The following SCMH1 variants were observed in gnomAD, a reference collection of about 807,000 sequenced individuals.
SCMH1 encodes the protein polycomb protein SCMH1.
In SCMH1, 37 loss-of-function variants were observed where a neutral mutation model predicts 70.8. The ratio of observed to expected loss-of-function variants is 0.52; its 90% CI spans 0.40 to 0.69. SCMH1 has a LOEUF of 0.69. SCMH1 is among the 30% of genes least tolerant of loss of function. The pLI, the probability that SCMH1 is intolerant of heterozygous loss-of-function variation, is 0.00. For missense variants in SCMH1, 607 were observed against 827.3 expected, an observed-to-expected ratio of 0.73 and a Z score of 3.27; for synonymous variants, 292 against 307.4, an observed-to-expected ratio of 0.95 and a Z score of 0.52.
At chr1:41,152,476 G>A in intron 4 of SCMH1, 1 of 1,038,356 alleles carries the variant, frequency 9.6e-7, no homozygotes, top group Non-Finnish European at 1.4e-6. Flanking sequence ...GTGACACTGT[G>A]CTGGGGGAAG....
intron 6 of SCMH1, among the ~76,000 whole-genome samples, chr1:41,139,142 T>A (rs1321907208): frequency 6.6e-6 from 1 of 152,126 alleles, no homozygotes; most frequent in Non-Finnish European, 1.5e-5. Flanking sequence ...AGGACTGCCA[T>A]CTCCAGTCCA....
intron 2 of SCMH1, among the ~76,000 whole-genome samples, chr1:41,169,101 T>C (rs903927674): frequency 6.6e-6 from 1 of 152,198 alleles, no homozygotes; most frequent in South Asian, 2.1e-4. Context: ...GTGGTCCTAC[T>C]GTACGTCCAC....
At chr1:41,170,301 T>C (rs185433671) in intron 2 of SCMH1, among the ~76,000 whole-genome samples, 2 of 152,302 alleles carry the variant, frequency 1.3e-5, no homozygotes, top group Admixed American at 6.5e-5. Context: ...TGGGGAGAAG[T>C]TGGATGCTGG....
chr1:41,167,331 T>C (rs1307845631), intron 2 of SCMH1, among the ~76,000 whole-genome samples: 1 of 152,134 alleles, frequency 6.6e-6, no homozygotes, highest in Non-Finnish European at 1.5e-5. Flanking sequence ...GTAGTCTTCT[T>C]CTCTTGTTGT....
chr1:41,155,897 A>G (rs1331066398), intron 4 of SCMH1, among the ~76,000 whole-genome samples: 1 of 150,814 alleles, frequency 6.6e-6, no homozygotes, highest in Non-Finnish European at 1.5e-5. Flanking sequence ...AGGCAGGAGA[A>G]CTGCTTGAAC....
chr1:41,147,873 G>A (rs1450453890), intron 5 of SCMH1, among the ~76,000 whole-genome samples: 2 of 152,020 alleles, frequency 1.3e-5, no homozygotes, highest in East Asian at 3.8e-4. Context: ...CCTATTTAAA[G>A]CATAATTTTT....
chr1:41,176,497 C>T (rs1647153092), intron 2 of SCMH1, among the ~76,000 whole-genome samples: 1 of 152,228 alleles, frequency 6.6e-6, no homozygotes, highest in African/African-American at 2.4e-5. Flanking sequence ...ATTCCCTTTC[C>T]TAGTCAAAGA....
Position 41,113,649 on chromosome 1 carries a change from CCTTT to C in SCMH1, c.502-127_502-124del. ...CATGAGACTTATAATGGATATATAG[CCTTT>C]CTTTTAAATTAATTTTAAATTCAAT... is the stretch of plus-strand genomic sequence containing the variant. On this transcript the variant is annotated intron_variant, in intron 7 of 14. Coordinates refer to ENST00000337495, the Ensembl canonical transcript of SCMH1. The surrounding 1 kb of genome is among the most constrained non-coding windows in gnomAD (Gnocchi z 4.3). 1 of 869,518 alleles carries C rather than the reference CCTTT, an allele frequency of 1.2e-6. No individual in the cohort carries two copies. The allele number at this position is 869,518 out of a possible 1,614,324, so 53.9% of individuals were successfully genotyped here.
intron 1 of SCMH1, among the ~76,000 whole-genome samples, chr1:41,238,961 G>A (rs934158221): frequency 3.3e-5 from 5 of 151,994 alleles, no homozygotes; most frequent in Admixed American, 1.3e-4. Flanking sequence ...AGCATCACAC[G>A]GGACTCCTCA....
chr1:41,214,219 A>G (rs1480934321), intron 1 of SCMH1, among the ~76,000 whole-genome samples: 2 of 152,182 alleles, frequency 1.3e-5, no homozygotes, highest in African/African-American at 4.8e-5. Flanking sequence ...AATTGACCTG[A>G]AATCTAAAAA....
intron 5 of SCMH1, 67 bp downstream of exon 5, chr1:41,151,547 T>A: frequency 7.7e-7 from 1 of 1,305,524 alleles, no homozygotes; most frequent in Non-Finnish European, 1.1e-6. Flanking sequence ...CCTCCTGTTT[T>A]GATTGTCTAA....
intron 8 of SCMH1, among the ~76,000 whole-genome samples, chr1:41,109,490 C>G (rs1452623109): frequency 1.3e-5 from 2 of 152,154 alleles, no homozygotes; most frequent in Non-Finnish European, 2.9e-5. Flanking sequence ...ATCACTTGCT[C>G]CTTAGCCAGG....
At chr1:41,096,301 CT>C (rs1405365738) in intron 8 of SCMH1, among the ~76,000 whole-genome samples, 1 of 152,192 alleles carries the variant, frequency 6.6e-6, no homozygotes, top group African/African-American at 2.4e-5. Context: ...AGGAAAAATA[CT>C]TGCTTAAGAT....
At chr1:41,154,817 T>TCAA (rs1308935403) in intron 4 of SCMH1, among the ~76,000 whole-genome samples, 1 of 152,212 alleles carries the variant, frequency 6.6e-6, no homozygotes, top group Non-Finnish European at 1.5e-5. Flanking sequence ...TTCAAAATAT[T>TCAA]CAAACAGTAT....
intron 2 of SCMH1, among the ~76,000 whole-genome samples, chr1:41,168,167 CAGGCTTGGGAAGTTTTCTGACATA>C (rs372615687): frequency 7.9e-5 from 12 of 152,130 alleles, no homozygotes; most frequent in East Asian, 1.9e-4. Context: ...TCTCCTTCCC[CAGGCTTGGGAAGTTTTCTGACATA>C]AGGCTTGGGA....
intron 8 of SCMH1, among the ~76,000 whole-genome samples, chr1:41,080,570 A>G (rs1659694933): frequency 3.3e-5 from 5 of 152,156 alleles, no homozygotes; most frequent in Admixed American, 2.6e-4. Flanking sequence ...GCAGGATAAT[A>G]TATCATAACT....
chr1:41,182,033 GT>G (rs1648926844), intron 2 of SCMH1, among the ~76,000 whole-genome samples: 1 of 152,188 alleles, frequency 6.6e-6, no homozygotes, highest in Non-Finnish European at 1.5e-5. Context: ...AAAATGATGA[GT>G]TCATGTCCTT....
At position 41,164,540 on chromosome 1, in the gene SCMH1, C is replaced by T. The variant is rs113040330; in HGVS notation, c.14-3108G>A. ...TTGATCTTGTTTAGTGGTGAATCCC[C>T]AGTAAGTAGTATAGTAACAGGCGCT... is the stretch of plus-strand genomic sequence containing the variant. On this transcript the variant is annotated intron_variant, in intron 2 of 14. Transcript: ENST00000337495. Among the ~76,000 whole-genome samples the T allele has an allele frequency of 1.2e-3, 178 of 152,186 alleles. 2 individuals are homozygous for T. Among genetic ancestry groups the T allele is most frequent in the Middle Eastern group, 6.8e-3 (2 of 294 alleles).
At chr1:41,202,570 G>A (rs944423738) in intron 1 of SCMH1, among the ~76,000 whole-genome samples, 7 of 151,950 alleles carry the variant, frequency 4.6e-5, no homozygotes, top group Admixed American at 3.3e-4. Context: ...TTATTTCATC[G>A]AAATCATTAA....
Sources: allele counts gnomAD v4.1 joint callset (sites outside exome capture counted in the v4.1 genomes callset), GRCh38; gene constraint gnomAD v4.1.1; non-coding constraint Gnocchi (gnomAD v3.1); transcripts MANE v1.5; gene names NCBI Gene and HGNC (gene_info 2026-07-23, HGNC 2026-07-21).